CRYBG2: variants seen among roughly 807,000 people sequenced by gnomAD.
The protein encoded by CRYBG2 is crystallin beta-gamma domain containing 2.
CRYBG2 carries 106 observed loss-of-function variants against 153.4 expected under a neutral mutation model. That is an observed-to-expected ratio of 0.69 (90% CI 0.59 to 0.81). The LOEUF is 0.81. Ranked by LOEUF, CRYBG2 falls within the 30% of genes least tolerant of loss-of-function variation. The pLI, the probability that CRYBG2 is intolerant of heterozygous loss-of-function variation, is 0.00. For missense variants in CRYBG2, 1,996 were observed against 2,112.0 expected, an observed-to-expected ratio of 0.95 and a Z score of 1.08; for synonymous variants, 851 against 877.8, an observed-to-expected ratio of 0.97 and a Z score of 0.54.
At position 26,337,239 on chromosome 1, in the gene CRYBG2, T is replaced by C. The variant is rs768124046; in HGVS notation, c.3771+14A>G. 7 of 1,613,634 alleles carry C rather than the reference T, an allele frequency of 4.3e-6. No homozygotes were observed. Among genetic ancestry groups the C allele is most frequent in the Admixed American group, 1.7e-5 (1 of 59,946 alleles). On this transcript the variant is annotated intron_variant, in intron 10 of 19. Coordinates refer to ENST00000308182, the MANE Select transcript of CRYBG2 (RefSeq NM_001039775.4). ...GGCCAGAGGCAGAGGGATGGGCCAA[T>C]TGCCTTTGCTTACCGTCCGGATGAC...
At chr1:26,331,722 CCT>C (rs1367775779) in intron 14 of CRYBG2, 104 bp from the exon 15 acceptor site, 2 of 1,485,954 alleles carry the variant, frequency 1.3e-6, no homozygotes, top group East Asian at 2.3e-5. Context: ...ATCATGATCC[CCT>C]GTCCCAGGGG....
chr1:26,343,976 C>A lies in CRYBG2; in HGVS notation c.2682G>T (p.Leu894=), dbSNP rs1017906655. 3.3e-6 allele frequency: 5 copies of A among 1,537,058 alleles called. No homozygotes were observed. The highest frequency in any genetic ancestry group is 4.4e-6 in the Non-Finnish European group (5 of 1,146,842). Residue 894 remains leucine (L), a synonymous_variant, in exon 2 of 20, where the codon CTG becomes CTT. Transcript: ENST00000308182. The surrounding 1 kb of genome is among the most constrained non-coding windows in gnomAD (Gnocchi z 4.1). ...KGPHSELGLE[L]QGGSRPTSRL... is the part of the protein sequence containing the mutation. ...GGGAAGTGGGCCTGCTGCCTCCCTG[C>A]AGTTCCAATCCCAGCTCTGAGTGGG...
rs752941711 is a variant in CRYBG2 at position 26,331,508 on chromosome 1, G to C, written c.4295C>G (p.Ser1432Cys). The C allele has an allele frequency of 1.7e-5, 27 of 1,613,668 alleles. No homozygotes were observed. The highest frequency in any genetic ancestry group is 2.3e-5 in the Non-Finnish European group (27 of 1,179,846). The change falls in exon 15 of 20, where the codon TCT (serine) becomes TGT (cysteine). Residue 1432 changes from serine (S) to cysteine (C), a missense_variant. By Grantham distance (112) the Ser-to-Cys change is moderately radical. Coordinates refer to ENST00000308182, the MANE Select transcript of CRYBG2 (RefSeq NM_001039775.4). ...ACTCACCAGGGATACCTTCTGGAGA[G>C]AGCCCAGGACTGTGGAGGCGAGGCA... The part of the protein sequence containing the change: ...MGCLASTVLG[S>C]LQKVSLHFSE...
chr1:26,343,245 C>T lies in CRYBG2; in HGVS notation c.2961+1G>A. 6.4e-7 allele frequency: 1 copy of T among 1,550,474 alleles called. No homozygotes were observed. The highest frequency in any genetic ancestry group is 2.0e-5 in the Admixed American group (1 of 50,996). Reference sequence around the variant, plus strand: ...CCACCCACTTGCCCCCACAACCCTACCTTTCCAGGCCTGGTGTTCAGCTTG... The same window carrying T: ...CCACCCACTTGCCCCCACAACCCTATCTTTCCAGGCCTGGTGTTCAGCTTG... On this transcript the variant is annotated splice_donor_variant, in intron 3 of 19. Transcript: ENST00000308182. LOFTEE classifies it high-confidence loss of function. The surrounding 1 kb of genome is among the most constrained non-coding windows in gnomAD (Gnocchi z 4.1).
Position 26,336,975 on chromosome 1 carries a change from G to A in CRYBG2, c.3777C>T (p.Phe1259=). The A allele has an allele frequency of 6.2e-7, 1 of 1,613,506 alleles. No individual in the cohort carries two copies. The change falls in exon 11 of 20, where the codon TTC becomes TTT. Residue 1259 remains phenylalanine (F), a synonymous_variant. Transcript: ENST00000308182. This position sits in a 1 kb window ranked among gnomAD's most constrained non-coding sequence, Gnocchi z 4.9. ...CAAATAGCACGACGGCCGGGTCCCCGAAGTCCTGGGTCCCCAGGGACAGTC... is the reference window on the plus strand; with the variant it reads ...CAAATAGCACGACGGCCGGGTCCCCAAAGTCCTGGGTCCCCAGGGACAGTC... ...LTSLRVIRTD[F]GDPAVVLFEA...
At position 26,345,218 on chromosome 1, in the gene CRYBG2, C is replaced by T. The variant is rs748648516; in HGVS notation, c.1440G>A (p.Val480=). The change falls in exon 2 of 20, where the codon GTG becomes GTA. Residue 480 remains valine (V), a synonymous_variant. Coordinates refer to ENST00000308182, the MANE Select transcript of CRYBG2 (RefSeq NM_001039775.4). ...CAGCAGAAGCACTGGACCCCTGCAC[C>T]ACCTCCTTCCGGGTGGGAGATGAGG... ...PAASSPTRKE[V]VQGSSASAAS... is the part of the protein sequence containing the mutation. 2.7e-6 allele frequency: 4 copies of T among 1,474,302 alleles called. No individual in the cohort carries two copies. Among genetic ancestry groups the T allele is most frequent in the Non-Finnish European group, 3.7e-6 (4 of 1,088,552 alleles). 91.3% of individuals were successfully genotyped at this position (1,474,302 alleles called of 1,614,324 possible). A position where few individuals can be genotyped will look rare whatever the true frequency, so the allele number is the denominator to read the frequency against.
intron 1 of CRYBG2, among the ~76,000 whole-genome samples, chr1:26,353,682 C>T (rs1199355413): frequency 1.1e-4 from 16 of 152,200 alleles, no homozygotes; most frequent in African/African-American, 3.9e-4. Context: ...CGCCTCAGGA[C>T]ACCCAGCACC....
In CRYBG2 at chr1:26,343,419, G is replaced by A; in HGVS notation, c.2914-126C>T. 8.4e-7 allele frequency: 1 copy of A among 1,186,754 alleles called. No homozygotes were observed. Among genetic ancestry groups the A allele is most frequent in the Non-Finnish European group, 1.2e-6 (1 of 822,614 alleles). 73.5% of individuals were successfully genotyped at this position (1,186,754 alleles called of 1,614,324 possible). On this transcript the variant is annotated intron_variant, in intron 2 of 19. Transcript: ENST00000308182. This position sits in a 1 kb window ranked among gnomAD's most constrained non-coding sequence, Gnocchi z 4.1. ...TCCACCCGCAAGGAGCTGGCGCATA[G>A]AGGATGCTCACACTTGTTCCCAACC...
In CRYBG2 at chr1:26,324,345, C is replaced by T. The variant is rs779563961; in HGVS notation, c.4579-35G>A. On this transcript the variant is annotated intron_variant, in intron 17 of 19. Transcript: ENST00000308182. ...GAAAGAGGCTGAGAGTCAGGGGTGC[C>T]GGGGAGGGATGACCTGGGCCCCCAG... The T allele has an allele frequency of 1.9e-5, 30 of 1,569,258 alleles. No homozygotes were observed. The African/African-American group carries it at 2.0e-4, about 11-fold the overall frequency.
Position 26,331,588 on chromosome 1 carries a change from C to T in CRYBG2, c.4215G>A (p.Glu1405=). Residue 1405 remains glutamate, a synonymous_variant, in exon 15 of 20, where the codon GAG becomes GAA. Transcript: ENST00000308182. The part of the protein sequence containing the change: ...SWILFDETNF[E]GDQHILSEGE... ...CCTCAGAGAGAATGTGCTGGTCACC[C>T]TCGAAGTTCGTCTCATCAAACAGGA... 1 of 1,614,062 alleles carries T rather than the reference C, an allele frequency of 6.2e-7. No individual in the cohort carries two copies.
chr1:26,333,128 CTGAATGT>C (rs1248290595), intron 14 of CRYBG2, among the ~76,000 whole-genome samples: 2 of 144,994 alleles, frequency 1.4e-5, no homozygotes, highest in Non-Finnish European at 3.0e-5. Context: ...CTGTTATAGG[CTGAATGT>C]CTGTGTCCTC....
At chr1:26,328,955 T>G in intron 15 of CRYBG2, 82 bp from the exon 16 acceptor site, 1 of 1,553,106 alleles carries the variant, frequency 6.4e-7, no homozygotes, top group South Asian at 1.1e-5. Flanking sequence ...ACACCCTGAC[T>G]CCCAGATCTG....
intron 10 of CRYBG2, 131 bp downstream of exon 10, chr1:26,337,122 A>C: frequency 6.5e-7 from 1 of 1,548,392 alleles, no homozygotes; most frequent in South Asian, 1.2e-5. Context: ...AGGGGAAGAG[A>C]GGCTAGACCT....
At position 26,321,900 on chromosome 1, in the gene CRYBG2, A is replaced by G; in HGVS notation, c.*68T>C. On this transcript the variant is annotated 3_prime_UTR_variant, in exon 20 of 20. Transcript: ENST00000308182. Reference sequence around the variant, plus strand: ...CATATTAGAAAATAGCTTATGTTACAACAAAAACCCTATAAAAACATTCAT... The same window carrying G: ...CATATTAGAAAATAGCTTATGTTACGACAAAAACCCTATAAAAACATTCAT... 2 of 1,351,564 alleles carry G rather than the reference A, an allele frequency of 1.5e-6. No individual in the cohort carries two copies. The highest frequency in any genetic ancestry group is 2.0e-6 in the Non-Finnish European group (2 of 1,005,974). 83.7% of individuals were successfully genotyped at this position (1,351,564 alleles called of 1,614,324 possible).
At chr1:26,332,897 G>A (rs957625505) in intron 14 of CRYBG2, among the ~76,000 whole-genome samples, 2 of 151,154 alleles carry the variant, frequency 1.3e-5, no homozygotes, top group Non-Finnish European at 2.9e-5. Flanking sequence ...TAAAATGGAG[G>A]AGAAGGAAAA....
At position 26,344,524 on chromosome 1, in the gene CRYBG2, C is replaced by T; in HGVS notation, c.2134G>A (p.Val712Met). The T allele has an allele frequency of 1.3e-6, 2 of 1,545,738 alleles. No homozygotes were observed. Among genetic ancestry groups the T allele is most frequent in the Non-Finnish European group, 1.7e-6 (2 of 1,145,932 alleles). ...CCTGGGCTGGGGGACACCCTGTCCA[C>T]TGAGGAAGATGGGGCAGGGAGAGCA... ...PDALPAPSSS[V>M]DRVSPSPGGT... The change falls in exon 2 of 20, where the codon GTG (valine) becomes ATG (methionine). Residue 712 changes from valine (V) to methionine (M), a missense_variant. Physicochemically the swap from Val to Met is conservative, Grantham distance 21 (BLOSUM62 1). Transcript: ENST00000308182.
At chr1:26,350,108 C>G (rs2074270925) in intron 1 of CRYBG2, among the ~76,000 whole-genome samples, 1 of 152,106 alleles carries the variant, frequency 6.6e-6, no homozygotes, top group Non-Finnish European at 1.5e-5. Flanking sequence ...AGCCATTGTG[C>G]CTGACCGGAC....
Position 26,343,570 on chromosome 1 carries a change from G to A in CRYBG2, c.2913+175C>T, listed in dbSNP as rs1277825831. 6.6e-6 allele frequency among the ~76,000 whole-genome samples: 1 copy of A among 152,156 alleles called. No homozygotes were observed. Among genetic ancestry groups the A allele is most frequent in the Non-Finnish European group, 1.5e-5 (1 of 68,034 alleles). Reference sequence around the variant, plus strand: ...TACAAACCTCCCACAGTAGGGATAGGGATAGGGAGATTGAGGCCCAGAGAG... The same window carrying A: ...TACAAACCTCCCACAGTAGGGATAGAGATAGGGAGATTGAGGCCCAGAGAG... On this transcript the variant is annotated intron_variant, in intron 2 of 19. Coordinates refer to ENST00000308182, the MANE Select transcript of CRYBG2 (RefSeq NM_001039775.4). The surrounding 1 kb of genome is among the most constrained non-coding windows in gnomAD (Gnocchi z 4.1).
Position 26,336,038 on chromosome 1 carries a change from C to T in CRYBG2, c.4184+57G>A. 1 of 1,332,678 alleles carries T rather than the reference C, an allele frequency of 7.5e-7. No individual in the cohort carries two copies. Among genetic ancestry groups the T allele is most frequent in the South Asian group, 1.6e-5 (1 of 63,944 alleles). 82.6% of individuals were successfully genotyped at this position (1,332,678 alleles called of 1,614,324 possible). A position where few individuals can be genotyped will look rare whatever the true frequency, so the allele number is the denominator to read the frequency against. On this transcript the variant is annotated intron_variant, in intron 14 of 19. Coordinates refer to ENST00000308182, the MANE Select transcript of CRYBG2 (RefSeq NM_001039775.4). The surrounding 1 kb of genome is among the most constrained non-coding windows in gnomAD (Gnocchi z 4.9). ...AGGAAATCATTTGAAAGACTCTCCTCCTGCAGCCCCGCCTCTGCCCCAGCG... is the reference window on the plus strand; with the variant it reads ...AGGAAATCATTTGAAAGACTCTCCTTCTGCAGCCCCGCCTCTGCCCCAGCG...
Sources: allele counts gnomAD v4.1 joint callset (sites outside exome capture counted in the v4.1 genomes callset), GRCh38; gene constraint gnomAD v4.1.1; non-coding constraint Gnocchi (gnomAD v3.1); transcripts MANE v1.5; gene names NCBI Gene and HGNC (gene_info 2026-07-23, HGNC 2026-07-21).